FHIP1A: variants seen among roughly 807,000 people sequenced by gnomAD.
FHIP1A encodes FHF complex subunit HOOK interacting protein 1A.
A neutral mutation model predicts 88.6 loss-of-function variants in FHIP1A; 61 were observed. The observed-to-expected ratio is 0.69, with a 90% CI of 0.56 to 0.85. The LOEUF is 0.85. FHIP1A is among the 40% of genes least tolerant of loss of function. The pLI, the probability that FHIP1A is intolerant of heterozygous loss-of-function variation, is 0.00. For missense variants in FHIP1A, 1,154 were observed against 1,273.5 expected, an observed-to-expected ratio of 0.91 and a Z score of 1.43; for synonymous variants, 478 against 496.0, an observed-to-expected ratio of 0.96 and a Z score of 0.48.
chr4:151,550,984 T>G (rs956939668), intron 3 of FHIP1A, among the ~76,000 whole-genome samples: 14 of 152,158 alleles, frequency 9.2e-5, no homozygotes, highest in African/African-American at 3.4e-4. Context: ...CCTTTAGTCA[T>G]GGATATGAAC....
intron 2 of FHIP1A, among the ~76,000 whole-genome samples, chr4:151,462,328 C>T (rs1729169264): frequency 6.6e-6 from 1 of 152,038 alleles, no homozygotes; most frequent in Admixed American, 6.5e-5. Flanking sequence ...CTTCATGTTC[C>T]GTATCTTTCT....
rs563724431 is a variant in FHIP1A, at chr4:151,506,603, G to T, written c.-123+23955G>T. 3.0e-4 allele frequency among the ~76,000 whole-genome samples: 46 copies of T among 152,238 alleles called. No homozygotes were observed. The South Asian group carries it at 9.6e-3, about 32-fold the overall frequency. ...GAGAGCAGAAGCAAGAGAGAGAGGG[G>T]AGGGAGTACCGGGCTTTTTTTAACA... On this transcript the variant is annotated intron_variant, in intron 3 of 13. Coordinates refer to ENST00000435205, the MANE Select transcript of FHIP1A (RefSeq NM_001109977.3).
At chr4:151,476,161 ATTTT>A (rs564671344) in intron 2 of FHIP1A, among the ~76,000 whole-genome samples, 2 of 111,498 alleles carry the variant, frequency 1.8e-5, no homozygotes. Flanking sequence ...TGCTCGGCCG[ATTTT>A]TTTTTTTTTT....
chr4:151,475,944 C>G (rs1169469315), intron 2 of FHIP1A, among the ~76,000 whole-genome samples: 1 of 151,294 alleles, frequency 6.6e-6, no homozygotes, highest in Non-Finnish European at 1.5e-5. Context: ...TCACTGCAGC[C>G]TCCGCCTCCC....
intron 9 of FHIP1A, among the ~76,000 whole-genome samples, chr4:151,642,037 C>T (rs559472087): frequency 1.3e-4 from 20 of 152,222 alleles, no homozygotes; most frequent in South Asian, 2.1e-4. Flanking sequence ...CCATTTGTAA[C>T]GGATACTAGT....
intron 3 of FHIP1A, among the ~76,000 whole-genome samples, chr4:151,510,141 G>A (rs1730977040): frequency 6.6e-6 from 1 of 151,612 alleles, no homozygotes; most frequent in African/African-American, 2.4e-5. Flanking sequence ...TGGTCTCACT[G>A]TCATCCAGGC....
rs1006014546 is a variant in FHIP1A at position 151,417,457 on chromosome 4, A to G, written c.-356+7992A>G. On this transcript the variant is annotated intron_variant, in intron 1 of 13. Transcript: ENST00000435205. ...AGTGAAGTTACAAAATTATATTTCT[A>G]TGCAAAGGAAGACTTGGCTTGTGAC... Among the ~76,000 whole-genome samples the G allele has an allele frequency of 9.8e-5, 15 of 152,308 alleles. No individual in the cohort carries two copies. The South Asian group carries it at 2.5e-3, about 25-fold the overall frequency.
chr4:151,537,139 A>C (rs531913845), intron 3 of FHIP1A, among the ~76,000 whole-genome samples: 45 of 152,098 alleles, frequency 3.0e-4, no homozygotes, highest in African/African-American at 1.0e-3. Flanking sequence ...CAGCCTCCCA[A>C]AGTGCTGGGA....
At chr4:151,467,456 C>T (rs1189090794) in intron 2 of FHIP1A, among the ~76,000 whole-genome samples, 1 of 152,106 alleles carries the variant, frequency 6.6e-6, no homozygotes, top group East Asian at 1.9e-4. Flanking sequence ...CCATTTGACC[C>T]AGCAATCCCA....
chr4:151,664,677 T>A lies in FHIP1A; in HGVS notation c.*1923T>A, dbSNP rs910246229. ...GCTTAAGATAGAGAAAGAGGAACAG[T>A]TGAAGATGGAAGTTCGGCTGTAATT... is the stretch of plus-strand genomic sequence containing the variant. On this transcript the variant is annotated 3_prime_UTR_variant, in exon 14 of 14. Transcript: ENST00000435205. Among the ~76,000 whole-genome samples, 4 of 152,226 alleles carry A rather than the reference T, an allele frequency of 2.6e-5. No individual in the cohort carries two copies. The highest frequency in any genetic ancestry group is 4.8e-5 in the African/African-American group (2 of 41,458).
chr4:151,612,148 A>G (rs2126848648), intron 7 of FHIP1A, among the ~76,000 whole-genome samples: 1 of 152,300 alleles, frequency 6.6e-6, no homozygotes, highest in East Asian at 1.9e-4. Context: ...AGATCTCCAG[A>G]TCTCCAGGCT....
chr4:151,590,979 T>G (rs2126811661), intron 7 of FHIP1A, among the ~76,000 whole-genome samples: 1 of 152,306 alleles, frequency 6.6e-6, no homozygotes, highest in African/African-American at 2.4e-5. Flanking sequence ...TTAACTTGTA[T>G]CCATTGCAGA....
intron 4 of FHIP1A, among the ~76,000 whole-genome samples, chr4:151,569,479 G>A (rs1019748021): frequency 2.6e-5 from 4 of 152,060 alleles, no homozygotes; most frequent in African/African-American, 9.7e-5. Context: ...TTGAACCCAG[G>A]AGGTGGAGGT....
intron 3 of FHIP1A, among the ~76,000 whole-genome samples, chr4:151,541,316 G>A (rs1732275973): frequency 6.6e-6 from 1 of 152,212 alleles, no homozygotes; most frequent in Non-Finnish European, 1.5e-5. Flanking sequence ...GCATTAAGTT[G>A]AGAGTGGGAA....
chr4:151,535,751 T>TA (rs1450327663), intron 3 of FHIP1A, among the ~76,000 whole-genome samples: 3 of 152,240 alleles, frequency 2.0e-5, no homozygotes, highest in African/African-American at 7.2e-5. Context: ...AGGAATTGAA[T>TA]AAATATTTGT....
At chr4:151,621,175 G>A (rs1735728184) in intron 7 of FHIP1A, among the ~76,000 whole-genome samples, 1 of 151,988 alleles carries the variant, frequency 6.6e-6, no homozygotes, top group African/African-American at 2.4e-5. Context: ...TTTTTTGAGG[G>A]CTTGCTGTCC....
At chr4:151,548,644 A>T (rs1387824891) in intron 3 of FHIP1A, among the ~76,000 whole-genome samples, 1 of 152,202 alleles carries the variant, frequency 6.6e-6, no homozygotes, top group Non-Finnish European at 1.5e-5. Context: ...CTATATGGCC[A>T]GGCACAGTGG....
intron 2 of FHIP1A, among the ~76,000 whole-genome samples, chr4:151,464,074 G>A (rs969101544): frequency 1.3e-5 from 2 of 151,818 alleles, no homozygotes; most frequent in African/African-American, 4.8e-5. Context: ...TTCAAGAAAT[G>A]GGGTCTCACA....
At chr4:151,414,209 C>T (rs538489894) in intron 1 of FHIP1A, among the ~76,000 whole-genome samples, 1 of 152,168 alleles carries the variant, frequency 6.6e-6, no homozygotes, top group South Asian at 2.1e-4. Context: ...CGCCACCATG[C>T]CCGGCTAAGT....
Sources: gnomAD v4.1 joint callset for allele counts (sites outside exome capture counted in the v4.1 genomes callset) on GRCh38, gnomAD v4.1.1 for gene constraint, MANE v1.5 for transcripts, NCBI Gene and HGNC (gene_info 2026-07-23, HGNC 2026-07-21) for gene names.